The following CHN2 variants were observed in gnomAD, a reference collection of about 807,000 sequenced individuals.
CHN2 encodes chimerin 2.
Under a neutral mutation model 56.3 loss-of-function variants are expected in CHN2, and 35 were observed. That is an observed-to-expected ratio of 0.62 (90% CI 0.47 to 0.82). The LOEUF (loss-of-function observed/expected upper bound fraction) is 0.82. CHN2 is among the 40% of genes least tolerant of loss of function. The pLI, the probability that CHN2 is intolerant of heterozygous loss-of-function variation, is 0.00. For synonymous variants in CHN2, 210 were observed against 212.8 expected (o/e 0.99, Z 0.12); for missense variants, 491 against 580.5 (o/e 0.85, Z 1.58).
intron 2 of CHN2, among the ~76,000 whole-genome samples, chr7:29,367,393 CAG>C (rs573719594): frequency 1.3e-3 from 193 of 152,122 alleles, no homozygotes; most frequent in South Asian, 6.0e-3. Context: ...GTGTGATAGA[CAG>C]GGGGAAAATG....
At chr7:29,408,868 G>A (rs908282266) in intron 6 of CHN2, among the ~76,000 whole-genome samples, 1 of 152,310 alleles carries the variant, frequency 6.6e-6, no homozygotes, top group African/African-American at 2.4e-5. Context: ...AACCCTCCTT[G>A]TCCCCATCCA....
chr7:29,313,438 T>C (rs955888624), intron 1 of CHN2, among the ~76,000 whole-genome samples: 4 of 152,170 alleles, frequency 2.6e-5, no homozygotes, highest in African/African-American at 9.7e-5. Flanking sequence ...ATGATCTTCC[T>C]GATTGAGTTC....
chr7:29,229,978 A>AAAT (rs1786537391), intron 1 of CHN2, among the ~76,000 whole-genome samples: 1 of 149,652 alleles, frequency 6.7e-6, no homozygotes, highest in African/African-American at 2.5e-5. Flanking sequence ...CCCTGTCTCA[A>AAAT]AAATAAATAA....
At chr7:29,201,908 A>G (rs1784194283) in intron 1 of CHN2, among the ~76,000 whole-genome samples, 1 of 152,210 alleles carries the variant, frequency 6.6e-6, no homozygotes, top group Admixed American at 6.5e-5. Flanking sequence ...TAAAAAAGTA[A>G]TTTCTTTATG....
At chr7:29,423,746 C>G (rs1437523970) in intron 6 of CHN2, among the ~76,000 whole-genome samples, 3 of 152,258 alleles carry the variant, frequency 2.0e-5, no homozygotes, top group Non-Finnish European at 4.4e-5. Flanking sequence ...GGGATTCCCT[C>G]TCCCCACTTC....
intron 3 of CHN2, among the ~76,000 whole-genome samples, chr7:29,369,933 C>T (rs1799475658): frequency 6.6e-6 from 1 of 152,190 alleles, no homozygotes; most frequent in Non-Finnish European, 1.5e-5. Context: ...TTGGTTGATG[C>T]TTGCTTTCCT....
chr7:29,441,246 A>G (rs1256346082), intron 6 of CHN2, among the ~76,000 whole-genome samples: 2 of 152,234 alleles, frequency 1.3e-5, no homozygotes, highest in Non-Finnish European at 2.9e-5. Flanking sequence ...TGCTGGGACA[A>G]CTGGAGATCC....
At chr7:29,295,941 A>G (rs971939379) in intron 1 of CHN2, among the ~76,000 whole-genome samples, 1 of 152,132 alleles carries the variant, frequency 6.6e-6, no homozygotes. Context: ...GTCCCAGAGG[A>G]AGGAGAGTTG....
Position 29,302,408 on chromosome 7 carries a change from C to T in CHN2, c.50-52217C>T, listed in dbSNP as rs372822796. On this transcript the variant is annotated intron_variant, in intron 1 of 12. Coordinates refer to ENST00000222792, the MANE Select transcript of CHN2 (RefSeq NM_004067.4). ...CAGTGATTTCAGTTTACTGCAGCTGCAAACTCCTGAGCTCAAGCGATCCTC... is the reference window on the plus strand; with the variant it reads ...CAGTGATTTCAGTTTACTGCAGCTGTAAACTCCTGAGCTCAAGCGATCCTC... Among the ~76,000 whole-genome samples, 125 of 151,818 alleles carry T rather than the reference C, an allele frequency of 8.2e-4. No homozygotes were observed. The South Asian group carries it at 0.019, about 23-fold the overall frequency.
chr7:29,201,366 C>T (rs1333562466), intron 1 of CHN2, among the ~76,000 whole-genome samples: 2 of 152,170 alleles, frequency 1.3e-5, no homozygotes, highest in Non-Finnish European at 2.9e-5. Context: ...CCACCCACTT[C>T]CTGGCTCATC....
intron 1 of CHN2, among the ~76,000 whole-genome samples, chr7:29,256,820 C>T (rs1185301416): frequency 2.4e-4 from 36 of 152,036 alleles, no homozygotes; most frequent in Admixed American, 2.4e-3. Context: ...GATCGCCCCC[C>T]CACCACGATC....
At position 29,223,402 on chromosome 7, in the gene CHN2, C is replaced by G. The variant is rs141859149; in HGVS notation, c.49+28412C>G. ...GTAGATGTAGCTAATATACTCAGGT[C>G]TTCCAATGAAACACTAATTATCACC... On this transcript the variant is annotated intron_variant, in intron 1 of 12. Transcript: ENST00000222792. Among the ~76,000 whole-genome samples the G allele has an allele frequency of 6.0e-3, 910 of 152,270 alleles. 8 individuals are homozygous for G. Among genetic ancestry groups the G allele is most frequent in the Non-Finnish European group, 6.6e-3 (449 of 68,016 alleles).
intron 1 of CHN2, among the ~76,000 whole-genome samples, chr7:29,255,936 G>A (rs1789040533): frequency 6.6e-6 from 1 of 152,136 alleles, no homozygotes; most frequent in Admixed American, 6.5e-5. Flanking sequence ...GCAATCAGAA[G>A]TTACCAAGCC....
intron 4 of CHN2, among the ~76,000 whole-genome samples, chr7:29,396,134 A>G (rs1801719948): frequency 6.6e-6 from 1 of 152,120 alleles, no homozygotes; most frequent in South Asian, 2.1e-4. Flanking sequence ...AAGAATTAAA[A>G]AAGAAACATA....
intron 6 of CHN2, among the ~76,000 whole-genome samples, chr7:29,418,152 C>T (rs1803965461): frequency 6.6e-6 from 1 of 152,238 alleles, no homozygotes; most frequent in African/African-American, 2.4e-5. Flanking sequence ...ACTTCAGAGG[C>T]AGACAGTTTG....
chr7:29,155,544 T>G (rs950273868), intron 2 of CHN2, among the ~76,000 whole-genome samples: 1 of 152,212 alleles, frequency 6.6e-6, no homozygotes, highest in Non-Finnish European at 1.5e-5. Context: ...AAAGAGCTAC[T>G]GAGTGTCAGA....
At chr7:29,325,246 G>A (rs1203860015) in intron 1 of CHN2, among the ~76,000 whole-genome samples, 4 of 152,178 alleles carry the variant, frequency 2.6e-5, no homozygotes, top group Admixed American at 6.5e-5. Flanking sequence ...CTCTCCCAGC[G>A]GGTTGGCCAT....
At chr7:29,480,409 T>C in intron 7 of CHN2, 53 bp downstream of exon 7, 1 of 1,542,368 alleles carries the variant, frequency 6.5e-7, no homozygotes. Context: ...GGTGGAAAGG[T>C]ACAGTGTATA....
intron 1 of CHN2, among the ~76,000 whole-genome samples, chr7:29,258,368 C>A (rs992855383): frequency 1.3e-5 from 2 of 152,160 alleles, no homozygotes; most frequent in Admixed American, 6.5e-5. Context: ...AAGCTTTGTG[C>A]TCAAGAGTCT....
Sources: gnomAD v4.1 joint callset for allele counts (sites outside exome capture counted in the v4.1 genomes callset) on GRCh38, gnomAD v4.1.1 for gene constraint, MANE v1.5 for transcripts, NCBI Gene and HGNC (gene_info 2026-07-23, HGNC 2026-07-21) for gene names.